Variants in APBB1IP observed in about 807,000 individuals in gnomAD.
The protein encoded by APBB1IP is amyloid beta precursor protein binding family B member 1 interacting protein, also known as amyloid beta A4 precursor protein-binding family B member 1-interacting protein.
A neutral mutation model predicts 64.9 loss-of-function variants in APBB1IP; 27 were observed. The ratio of observed to expected loss-of-function variants is 0.42; its 90% CI spans 0.31 to 0.57. APBB1IP has a LOEUF of 0.57. Among genes scored for constraint, APBB1IP ranks in the 20% least tolerant of loss-of-function variants. APBB1IP has a pLI of 0.20. For synonymous variants in APBB1IP, 392 were observed against 331.0 expected (o/e 1.18, Z -2.00); for missense variants, 812 against 845.5 (o/e 0.96, Z 0.49).
intron 2 of APBB1IP, among the ~76,000 whole-genome samples, chr10:26,480,433 G>A (rs1054946912): frequency 6.6e-6 from 1 of 151,986 alleles, no homozygotes; most frequent in African/African-American, 2.4e-5. Flanking sequence ...TCTGTGAGGA[G>A]GAAAACCAGG....
chr10:26,464,213 A>G (rs1835624137), intron 2 of APBB1IP, among the ~76,000 whole-genome samples: 1 of 152,086 alleles, frequency 6.6e-6, no homozygotes, highest in African/African-American at 2.4e-5. Flanking sequence ...CCATCCTTCC[A>G]TGCTTTCCAG....
intron 2 of APBB1IP, among the ~76,000 whole-genome samples, chr10:26,463,576 G>T (rs536934698): frequency 2.6e-4 from 40 of 152,216 alleles, no homozygotes; most frequent in Admixed American, 8.5e-4. Context: ...AGCTTTCTGG[G>T]CACTGCTCTA....
intron 10 of APBB1IP, among the ~76,000 whole-genome samples, chr10:26,539,522 AAAT>A (rs1286184505): frequency 3.3e-5 from 5 of 152,122 alleles, no homozygotes; most frequent in African/African-American, 1.2e-4. Context: ...AAAAAAAAGA[AAAT>A]ATAGGTTAAT....
At chr10:26,515,184 T>A (rs1237441795) in intron 8 of APBB1IP, among the ~76,000 whole-genome samples, 1 of 151,998 alleles carries the variant, frequency 6.6e-6, no homozygotes, top group Non-Finnish European at 1.5e-5. Context: ...CCCAGCCCAA[T>A]GGCATGCTTT....
At chr10:26,507,628 C>G (rs184734224) in intron 6 of APBB1IP, among the ~76,000 whole-genome samples, 1 of 152,302 alleles carries the variant, frequency 6.6e-6, no homozygotes, top group Admixed American at 6.5e-5. Flanking sequence ...ACATGGTTGG[C>G]AGCTGAGGAT....
chr10:26,521,927 T>A (rs993969802), intron 8 of APBB1IP, among the ~76,000 whole-genome samples: 6 of 152,060 alleles, frequency 3.9e-5, no homozygotes, highest in Non-Finnish European at 8.8e-5. Flanking sequence ...ATTTTTGTAT[T>A]TTTAGTAGAA....
intron 6 of APBB1IP, among the ~76,000 whole-genome samples, chr10:26,510,331 C>T (rs572019485): frequency 6.6e-6 from 1 of 152,258 alleles, no homozygotes; most frequent in South Asian, 2.1e-4. Flanking sequence ...TGTGTTTTTA[C>T]TGAAGATAAG....
chr10:26,509,259 C>T (rs992593561), intron 6 of APBB1IP, among the ~76,000 whole-genome samples: 2 of 152,062 alleles, frequency 1.3e-5, no homozygotes, highest in Non-Finnish European at 2.9e-5. Context: ...AGCAACTATC[C>T]AACTACAGAT....
At chr10:26,565,886 G>T (rs1006952245) in intron 14 of APBB1IP, among the ~76,000 whole-genome samples, 1 of 152,144 alleles carries the variant, frequency 6.6e-6, no homozygotes, top group Non-Finnish European at 1.5e-5. Flanking sequence ...GTCCAAAGAG[G>T]TTGGGAACTA....
intron 3 of APBB1IP, among the ~76,000 whole-genome samples, chr10:26,493,407 A>G (rs2132431374): frequency 6.6e-6 from 1 of 152,364 alleles, no homozygotes; most frequent in South Asian, 2.1e-4. Flanking sequence ...ATAAATGTCC[A>G]TGAAATCTTC....
intron 14 of APBB1IP, among the ~76,000 whole-genome samples, chr10:26,565,275 C>T (rs148848585): frequency 7.0e-4 from 107 of 152,280 alleles, no homozygotes; most frequent in African/African-American, 1.5e-3. Flanking sequence ...ATTTTACAGA[C>T]GCTTACTCCT....
At position 26,463,293 on chromosome 10, in the gene APBB1IP, A is replaced by C. The variant is rs185954280; in HGVS notation, c.-1+24440A>C. 1.2e-4 allele frequency among the ~76,000 whole-genome samples: 19 copies of C among 152,266 alleles called. No homozygotes were observed. The East Asian group carries it at 3.5e-3, about 28-fold the overall frequency. On this transcript the variant is annotated intron_variant, in intron 2 of 14. Transcript: ENST00000376236. Reference sequence around the variant, plus strand: ...TCTTTACCAAAAAATTCAAAAAATTAGCTGGGGATAGTGTCACACACTTGT... The same window carrying C: ...TCTTTACCAAAAAATTCAAAAAATTCGCTGGGGATAGTGTCACACACTTGT...
rs35531284 is a variant in APBB1IP, at chr10:26,559,401, C to CA, written c.1156-693dup. Among the ~76,000 whole-genome samples, 1,321 of 141,666 alleles carry CA rather than the reference C, an allele frequency of 9.3e-3. 19 individuals carry two copies. The highest frequency in any genetic ancestry group is 0.06 in the South Asian group (266 of 4,466). 92.9% of individuals were successfully genotyped at this position (141,666 alleles called of 152,430 possible). ...TAATATAGTGAGACTCCAATTCTAC[C>CA]AAAAAAAAAAACAACGTTTTTTTCA... On this transcript the variant is annotated intron_variant, in intron 11 of 14. Transcript: ENST00000376236.
chr10:26,521,543 T>C (rs1836401537), intron 8 of APBB1IP, among the ~76,000 whole-genome samples: 1 of 152,144 alleles, frequency 6.6e-6, no homozygotes, highest in Admixed American at 6.5e-5. Flanking sequence ...TGTGTCATTC[T>C]TCTTCCCTTT....
intron 11 of APBB1IP, among the ~76,000 whole-genome samples, chr10:26,545,866 C>T (rs1422688923): frequency 6.6e-6 from 1 of 150,974 alleles, no homozygotes; most frequent in East Asian, 1.9e-4. Flanking sequence ...ACGAGAATCG[C>T]TTGAACCCCG....
intron 3 of APBB1IP, 70 bp downstream of exon 3, chr10:26,492,468 C>A (rs1322517875): frequency 2.2e-6 from 3 of 1,388,916 alleles, no homozygotes; most frequent in African/African-American, 1.4e-5. Context: ...TGTAATATGA[C>A]AAGGGAGCTG....
chr10:26,553,171 GC>G (rs1341994813), intron 11 of APBB1IP, among the ~76,000 whole-genome samples: 1 of 151,828 alleles, frequency 6.6e-6, no homozygotes, highest in Non-Finnish European at 1.5e-5. Context: ...ACAGGTGCCC[GC>G]CACCACACCC....
intron 2 of APBB1IP, among the ~76,000 whole-genome samples, 198 bp from the exon 3 acceptor site, chr10:26,492,129 G>A (rs1835963010): frequency 1.3e-5 from 2 of 152,082 alleles, no homozygotes; most frequent in Admixed American, 6.6e-5. Flanking sequence ...CCAACGTTTG[G>A]CACAATCTTG....
At chr10:26,554,002 C>T (rs76414526) in intron 11 of APBB1IP, among the ~76,000 whole-genome samples, 2,629 of 152,310 alleles carry the variant, frequency 0.017, 58 homozygotes, top group African/African-American at 0.059. Context: ...ATCACATTCA[C>T]AGCCACAGCT....
Sources: gnomAD v4.1 joint callset for allele counts (sites outside exome capture counted in the v4.1 genomes callset) on GRCh38, gnomAD v4.1.1 for gene constraint, MANE v1.5 for transcripts, NCBI Gene and HGNC (gene_info 2026-07-23, HGNC 2026-07-21) for gene names.